Variants in CSMD1 observed in about 807,000 individuals in gnomAD.
The protein encoded by CSMD1 is CUB and Sushi multiple domains 1.
A neutral mutation model predicts 417.5 loss-of-function variants in CSMD1; 213 were observed. The observed-to-expected ratio is 0.51, with a 90% CI of 0.46 to 0.57. The LOEUF is 0.57. CSMD1 is among the 20% of genes least tolerant of loss of function. The pLI is 0.00. For missense variants in CSMD1, 6,923 were observed against 4,529.7 expected, an observed-to-expected ratio of 1.53 and a Z score of -15.17; for synonymous variants, 2,862 against 1,736.8, an observed-to-expected ratio of 1.65 and a Z score of -16.11.
chr8:3,166,867 G>C (rs1281749946), intron 37 of CSMD1, among the ~76,000 whole-genome samples: 1 of 152,162 alleles, frequency 6.6e-6, no homozygotes, highest in African/African-American at 2.4e-5. Context: ...GAAAAAGTAA[G>C]CTGTCTTATT....
chr8:3,121,018 C>G (rs890618705), intron 41 of CSMD1, among the ~76,000 whole-genome samples: 6 of 151,816 alleles, frequency 4.0e-5, no homozygotes, highest in African/African-American at 1.2e-4. Context: ...AGCATAATTT[C>G]TAAGCAGAAA....
At chr8:3,716,581 G>A (rs770864155) in intron 6 of CSMD1, among the ~76,000 whole-genome samples, 24 of 152,104 alleles carry the variant, frequency 1.6e-4, no homozygotes, top group Non-Finnish European at 2.2e-4. Flanking sequence ...GGAGATTTGC[G>A]CCGGCTTCTT....
chr8:3,225,556 A>C (rs1196132807), intron 27 of CSMD1, among the ~76,000 whole-genome samples: 1 of 152,146 alleles, frequency 6.6e-6, no homozygotes, highest in East Asian at 1.9e-4. Flanking sequence ...AAGGTACCTG[A>C]AGGTCTAGAA....
intron 3 of CSMD1, among the ~76,000 whole-genome samples, chr8:4,122,453 G>A (rs1199333529): frequency 6.6e-6 from 1 of 152,146 alleles, no homozygotes; most frequent in Non-Finnish European, 1.5e-5. Flanking sequence ...ATAGATCCAG[G>A]GTGGAAATGA....
intron 6 of CSMD1, among the ~76,000 whole-genome samples, chr8:3,711,035 T>C (rs190568869): frequency 1.3e-5 from 2 of 152,278 alleles, no homozygotes; most frequent in Admixed American, 1.3e-4. Flanking sequence ...GAAACACATA[T>C]TATGTCTAAA....
chr8:3,653,160 A>T (rs1335573781), intron 7 of CSMD1, among the ~76,000 whole-genome samples: 1 of 151,840 alleles, frequency 6.6e-6, no homozygotes, highest in Non-Finnish European at 1.5e-5. Flanking sequence ...CAAGTTGCAT[A>T]TATTTTTAAA....
At chr8:3,032,618 T>C (rs1331641728) in intron 50 of CSMD1, among the ~76,000 whole-genome samples, 1 of 152,042 alleles carries the variant, frequency 6.6e-6, no homozygotes, top group African/African-American at 2.4e-5. Context: ...CCCAGTCTAC[T>C]GATTCACATG....
intron 4 of CSMD1, among the ~76,000 whole-genome samples, chr8:4,030,621 C>G (rs532777214): frequency 4.2e-4 from 64 of 152,298 alleles, no homozygotes; most frequent in African/African-American, 1.4e-3. Flanking sequence ...CTGTGAAGAC[C>G]TCTGACATGC....
rs970103445 is a variant in CSMD1, at chr8:4,176,583, T to A, written c.416-144484A>T. Among the ~76,000 whole-genome samples the A allele has an allele frequency of 3.4e-5, 5 of 148,786 alleles. No individual in the cohort carries two copies. In the Admixed American group the frequency reaches 3.4e-4, roughly 10 times the overall value. On this transcript the variant is annotated intron_variant, in intron 3 of 69. Coordinates refer to ENST00000635120, the MANE Select transcript of CSMD1 (RefSeq NM_033225.6). ...TTTTGGCAGTAGAAGTACCCTCTAG[T>A]AGAAGGGACATAGGAGTAGGAAATT...
chr8:4,928,990 G>A (rs963819470), intron 1 of CSMD1, among the ~76,000 whole-genome samples: 3 of 152,138 alleles, frequency 2.0e-5, no homozygotes, highest in East Asian at 1.9e-4. Context: ...AGAGTCACTT[G>A]AACCCGGGCG....
intron 3 of CSMD1, among the ~76,000 whole-genome samples, chr8:4,205,125 T>C (rs1799900093): frequency 6.6e-6 from 1 of 152,234 alleles, no homozygotes; most frequent in Non-Finnish European, 1.5e-5. Flanking sequence ...ATAAACACAT[T>C]TATCTCAACT....
intron 37 of CSMD1, among the ~76,000 whole-genome samples, chr8:3,170,954 C>A (rs1354669061): frequency 6.6e-6 from 1 of 152,120 alleles, no homozygotes; most frequent in Non-Finnish European, 1.5e-5. Context: ...AGCGGGCACA[C>A]AATGTTGAAC....
chr8:3,561,371 TAG>T (rs1799459676), intron 10 of CSMD1, among the ~76,000 whole-genome samples: 1 of 152,168 alleles, frequency 6.6e-6, no homozygotes, highest in Non-Finnish European at 1.5e-5. Context: ...AGCAAAGTCA[TAG>T]AATCAACTTA....
intron 3 of CSMD1, among the ~76,000 whole-genome samples, chr8:4,226,067 G>GACACACAC (rs67767005): frequency 6.8e-4 from 98 of 143,600 alleles, no homozygotes; most frequent in South Asian, 2.8e-3. Context: ...CTGACAGGCG[G>GACACACAC]ACACACACAC....
intron 7 of CSMD1, among the ~76,000 whole-genome samples, chr8:3,653,629 A>C (rs1393759458): frequency 6.6e-6 from 1 of 152,096 alleles, no homozygotes; most frequent in Non-Finnish European, 1.5e-5. Context: ...ATTCTAAATC[A>C]TTCCTCCTTT....
intron 4 of CSMD1, among the ~76,000 whole-genome samples, chr8:4,008,869 C>T (rs1265912043): frequency 6.6e-6 from 1 of 152,024 alleles, no homozygotes; most frequent in Non-Finnish European, 1.5e-5. Flanking sequence ...CTCGGCCTCC[C>T]AAAGTGCTGG....
chr8:3,246,234 C>T (rs1356675854), intron 26 of CSMD1, among the ~76,000 whole-genome samples: 1 of 152,124 alleles, frequency 6.6e-6, no homozygotes, highest in South Asian at 2.1e-4. Flanking sequence ...TCCACTGTGC[C>T]TCACCCACAC....
intron 3 of CSMD1, among the ~76,000 whole-genome samples, chr8:4,213,763 T>C (rs747116271): frequency 6.6e-6 from 1 of 152,094 alleles, no homozygotes; most frequent in Non-Finnish European, 1.5e-5. Context: ...TGAGATGGGG[T>C]TCCCTGCCAG....
chr8:4,624,575 G>C (rs1264845332), intron 2 of CSMD1, among the ~76,000 whole-genome samples: 1 of 152,148 alleles, frequency 6.6e-6, no homozygotes, highest in Non-Finnish European at 1.5e-5. Flanking sequence ...AAGATTCTTT[G>C]CTGCTGATGA....
Sources: gnomAD v4.1 joint callset for allele counts (sites outside exome capture counted in the v4.1 genomes callset) on GRCh38, gnomAD v4.1.1 for gene constraint, MANE v1.5 for transcripts, NCBI Gene and HGNC (gene_info 2026-07-23, HGNC 2026-07-21) for gene names.